The following ZFP90 variants were observed in gnomAD, a reference collection of about 807,000 sequenced individuals.
ZFP90 encodes ZFP90 zinc finger protein.
ZFP90 carries 38 observed loss-of-function variants against 60.8 expected under a neutral mutation model. The observed-to-expected ratio is 0.62, with a 90% confidence interval of 0.48 to 0.82. The LOEUF is 0.82. ZFP90 is among the 40% of genes least tolerant of loss of function. The probability of loss-of-function intolerance (pLI) is 0.00; values close to 1 mark genes in which losing one functional copy is unlikely to be tolerated. For synonymous variants in ZFP90, 287 were observed against 264.8 expected (o/e 1.08, Z -0.82); for missense variants, 711 against 759.1 (o/e 0.94, Z 0.74).
chr16:68,558,153 C>T lies in ZFP90; in HGVS notation c.160+29C>T, dbSNP rs1249391499. 13 of 1,609,660 alleles carry T rather than the reference C, an allele frequency of 8.1e-6. No homozygotes were observed. The East Asian group carries it at 2.9e-4, about 36-fold the overall frequency. ...AGGACCACTTCTCTGAGTGTCTTTC[C>T]TGCTGATGGGCCTTTCCTTCCTTGG... On this transcript the variant is annotated intron_variant, in intron 3 of 4. Transcript: ENST00000563169.
chr16:68,549,397 G>T (rs997948515), intron 2 of ZFP90, among the ~76,000 whole-genome samples: 10 of 152,148 alleles, frequency 6.6e-5, no homozygotes, highest in African/African-American at 2.4e-4. Context: ...GAAATTTTTG[G>T]CTGGGCGCGG....
At position 68,558,035 on chromosome 16, in the gene ZFP90, C is replaced by T. The variant is rs1287309187; in HGVS notation, c.71C>T (p.Thr24Ile). The change falls in exon 3 of 5, where the codon ACC (threonine) becomes ATC (isoleucine). Residue 24 changes from threonine (T) to isoleucine (I), a missense_variant. Around this residue, in one of 5 missense-constraint regions of ZFP90, gnomAD observed 2 missense variants for 18.2 expected, o/e 0.11. Coordinates refer to ENST00000563169, the MANE Select transcript of ZFP90 (RefSeq NM_001305203.2). Reference protein sequence around the residue: ...VTFKDVSVDFTQEEWYHVDPA... With the variant: ...VTFKDVSVDFIQEEWYHVDPA... ...TTCAAAGATGTGTCTGTGGACTTCA[C>T]CCAGGAAGAATGGTACCATGTCGAC... 1 of 1,613,648 alleles carries T rather than the reference C, an allele frequency of 6.2e-7. No individual in the cohort carries two copies. The highest frequency in any genetic ancestry group is 1.3e-5 in the African/African-American group (1 of 74,762).
intron 2 of ZFP90, chr16:68,574,229 A>G (rs1414120063): frequency 1.6e-3 from 31 of 19,716 alleles, no homozygotes; most frequent in African/African-American, 3.5e-3. Context: ...TTTTTCTGAA[A>G]AAAAAAAAAA....
intron 2 of ZFP90, chr16:68,573,784 CAT>C (rs1036744021): frequency 1.1e-4 from 16 of 152,314 alleles, no homozygotes; most frequent in African/African-American, 2.6e-4. Flanking sequence ...GTTGCACACA[CAT>C]GTCAAGAGAG....
intron 4 of ZFP90, 120 bp from the exon 5 acceptor site, chr16:68,562,924 A>T: frequency 6.5e-7 from 1 of 1,548,608 alleles, no homozygotes; most frequent in South Asian, 1.2e-5. Flanking sequence ...TCTTCTCAGG[A>T]TACAGGAGTA....
In ZFP90 at chr16:68,563,081, G is replaced by A; in HGVS notation, c.294G>A (p.Leu98=). 2 of 1,614,094 alleles carry A rather than the reference G, an allele frequency of 1.2e-6. No individual in the cohort carries two copies. The highest frequency in any genetic ancestry group is 1.1e-5 in the South Asian group (1 of 91,064). ...KTRPEVKSSH[L]QQDVSEVSHC... is the part of the protein sequence containing the mutation. ...GGCCTGAAGTCAAATCATCACATTT[G>A]CAGCAGGATGTATCAGAAGTATCCC... Residue 98 remains leucine (L), a synonymous_variant, in exon 5 of 5, where the codon TTG becomes TTA. Transcript: ENST00000563169.
At chr16:68,567,318 C>A (rs923944758), downstream of ZFP90, among the ~76,000 whole-genome samples, 1 of 152,222 alleles carries the variant, frequency 6.6e-6, no homozygotes, top group Non-Finnish European at 1.5e-5. Context: ...ATCCTTATAA[C>A]TTCTGGTTAG....
chr16:68,558,840 A>G (rs1236608922), intron 4 of ZFP90, among the ~76,000 whole-genome samples: 2 of 152,098 alleles, frequency 1.3e-5, no homozygotes, highest in African/African-American at 4.8e-5. Flanking sequence ...TTCTTCCCTG[A>G]ATTGAACTCC....
upstream of ZFP90, chr16:68,535,743 T>C (rs565876453): frequency 3.9e-5 from 6 of 152,292 alleles, no homozygotes; most frequent in East Asian, 1.2e-3. Flanking sequence ...TTCCATGTTC[T>C]GCCTACTACT....
chr16:68,536,495 G>A (rs996220096), upstream of ZFP90, among the ~76,000 whole-genome samples: 4 of 152,158 alleles, frequency 2.6e-5, no homozygotes, highest in South Asian at 2.1e-4. Flanking sequence ...GTAGAAACAA[G>A]GTCTCACTAT....
chr16:68,549,788 A>T (rs374879200), intron 2 of ZFP90, among the ~76,000 whole-genome samples: 1 of 151,174 alleles, frequency 6.6e-6, no homozygotes, highest in South Asian at 2.1e-4. Flanking sequence ...AGCACGGAGG[A>T]TGTGGGGAAG....
intron 2 of ZFP90, among the ~76,000 whole-genome samples, chr16:68,549,681 A>AAAG (rs1249017737): frequency 6.7e-6 from 1 of 150,194 alleles, no homozygotes; most frequent in East Asian, 1.9e-4. Context: ...TCCATCTCAA[A>AAAG]AAAAAAAAAA....
At chr16:68,556,248 T>C (rs1015398513) in intron 2 of ZFP90, among the ~76,000 whole-genome samples, 3 of 152,052 alleles carry the variant, frequency 2.0e-5, no homozygotes, top group Admixed American at 6.5e-5. Flanking sequence ...CAAAGCCAAG[T>C]GATTCTAGAC....
At chr16:68,546,827 A>G (rs890363665) in intron 2 of ZFP90, among the ~76,000 whole-genome samples, 3 of 152,226 alleles carry the variant, frequency 2.0e-5, no homozygotes, top group African/African-American at 7.2e-5. Context: ...CACACAGTAT[A>G]TCTTTTTGTG....
At position 68,539,396 on chromosome 16, in the gene ZFP90, C is replaced by T. The variant is rs2090993235; in HGVS notation, c.-119C>T. ...TCAGAATTGGAGATAACCGAGGCTT[C>T]GGCGGGGGCGGGAGGAGCTGCCCGA... On this transcript the variant is annotated 5_prime_UTR_variant, in exon 1 of 5. Coordinates refer to ENST00000563169, the MANE Select transcript of ZFP90 (RefSeq NM_001305203.2). The T allele has an allele frequency of 3.6e-6, 1 of 276,476 alleles. No individual in the cohort carries two copies. Among genetic ancestry groups the T allele is most frequent in the Non-Finnish European group, 6.8e-6 (1 of 147,262 alleles). The allele number at this position is 276,476 out of a possible 1,614,324, so 17.1% of individuals were successfully genotyped here.
chr16:68,571,620 T>C (rs188022550), downstream of ZFP90, among the ~76,000 whole-genome samples: 2 of 152,202 alleles, frequency 1.3e-5, no homozygotes, highest in East Asian at 3.9e-4. Context: ...AGTGAGAAGC[T>C]GATCCAAGCC....
chr16:68,556,648 G>C (rs1393258181), intron 2 of ZFP90, among the ~76,000 whole-genome samples: 1 of 152,214 alleles, frequency 6.6e-6, no homozygotes, highest in Non-Finnish European at 1.5e-5. Context: ...TGGAGAGACA[G>C]ACAATAGGGT....
At position 68,566,029 on chromosome 16, in the gene ZFP90, G is replaced by A. The variant is rs1366796632; in HGVS notation, c.*1331G>A. On this transcript the variant is annotated 3_prime_UTR_variant, in exon 5 of 5. Coordinates refer to ENST00000563169, the MANE Select transcript of ZFP90 (RefSeq NM_001305203.2). ...TGCAGTGGTAGTCCCAGCTACTCAG[G>A]AGGCTGAGGTGGGAGGATCACTGGA... 4 of 834,670 alleles carry A rather than the reference G, an allele frequency of 4.8e-6. No individual in the cohort carries two copies. The Admixed American group carries it at 2.5e-4, about 52-fold the overall frequency. The allele number at this position is 834,670 out of a possible 1,614,324, so 51.7% of individuals were successfully genotyped here. A position where few individuals can be genotyped will look rare whatever the true frequency, so the allele number is the denominator to read the frequency against.
At chr16:68,560,154 A>ACC (rs10644453) in intron 4 of ZFP90, among the ~76,000 whole-genome samples, 77,968 of 151,870 alleles carry the variant, frequency 0.51, 22,018 homozygotes, top group East Asian at 0.76. Flanking sequence ...CATGAGATTC[A>ACC]CCCCTTTAGA....
Sources: gnomAD v4.1 joint callset for allele counts (sites outside exome capture counted in the v4.1 genomes callset) on GRCh38, gnomAD v4.1.1 for gene constraint, gnomAD v4.1.1 regional missense constraint, MANE v1.5 for transcripts, NCBI Gene and HGNC (gene_info 2026-07-23, HGNC 2026-07-21) for gene names.